Variants in PCDH11Y observed in about 807,000 individuals in gnomAD.
PCDH11Y encodes protocadherin 11 Y-linked.
For missense variants in PCDH11Y, 12 were observed against 224.8 expected (o/e 0.05, Z 6.05); for synonymous variants, 9 against 83.6 (o/e 0.11, Z 4.87).
intron 2 of PCDH11Y, among the ~76,000 whole-genome samples, chrY:5,229,863 G>A: frequency 3.1e-5 from 1 of 32,091 alleles, no homozygotes; most frequent in Non-Finnish European, 7.6e-5. Context: ...CTGGTGATAC[G>A]ATTAAGTTTC....
intron 2 of PCDH11Y, among the ~76,000 whole-genome samples, chrY:5,256,652 A>G: frequency 3.0e-5 from 1 of 33,350 alleles, no homozygotes; most frequent in Non-Finnish European, 7.4e-5. Flanking sequence ...CCATTTTAAC[A>G]ATATTCGTTC....
intron 4 of PCDH11Y, among the ~76,000 whole-genome samples, chrY:5,691,270 C>A: frequency 3.0e-5 from 1 of 33,702 alleles, no homozygotes; most frequent in African/African-American, 1.2e-4. Context: ...CTTAAAATGT[C>A]CTCTTTAACA....
chrY:5,293,408 G>A, intron 2 of PCDH11Y, among the ~76,000 whole-genome samples: 3 of 32,587 alleles, frequency 9.2e-5, no homozygotes, highest in Admixed American at 2.9e-4. Context: ...GTGATTACAG[G>A]TGTGAGCCAC....
intron 2 of PCDH11Y, among the ~76,000 whole-genome samples, chrY:5,495,042 A>T (rs2053343108): frequency 3.5e-5 from 1 of 28,827 alleles, no homozygotes; most frequent in East Asian, 8.8e-4. Context: ...GCAAGACTCC[A>T]TCTCGAAAAA....
intron 3 of PCDH11Y, among the ~76,000 whole-genome samples, chrY:5,560,787 C>T: frequency 3.0e-5 from 1 of 33,860 alleles, no homozygotes; most frequent in Non-Finnish European, 7.3e-5. Context: ...CATGGAGAAC[C>T]TCTGCTAGGG....
chrY:5,324,409 C>T (rs2759987), intron 2 of PCDH11Y, among the ~76,000 whole-genome samples: 2 of 32,626 alleles, frequency 6.1e-5, no homozygotes, highest in Non-Finnish European at 1.5e-4. Flanking sequence ...ATGTGCACTA[C>T]GGTATAATGT....
intron 2 of PCDH11Y, among the ~76,000 whole-genome samples, chrY:5,426,467 A>C: frequency 3.0e-5 from 1 of 33,101 alleles, no homozygotes; most frequent in African/African-American, 1.2e-4. Context: ...TTTAAAAATG[A>C]TACAGTGGAA....
chrY:5,539,205 T>C (rs2053403555), intron 3 of PCDH11Y, among the ~76,000 whole-genome samples: 1 of 32,298 alleles, frequency 3.1e-5, no homozygotes, highest in African/African-American at 1.2e-4. Flanking sequence ...AGATTTCATT[T>C]GGATTAAAAA....
In PCDH11Y at chrY:5,535,436, GCCTTT is replaced by G. The variant is rs2053399056; in HGVS notation, c.3328+34182_3328+34186del. Reference sequence around the variant, plus strand: ...CCAGGGTCCATTGTATCATTCTTATGCCTTTTCATCCTCATAGCTTAGCTCCCAGT... The same window carrying G: ...CCAGGGTCCATTGTATCATTCTTATGTCATCCTCATAGCTTAGCTCCCAGT... On this transcript the variant is annotated intron_variant, in intron 3 of 4. Transcript: ENST00000400457. Among the ~76,000 whole-genome samples, 4 of 31,629 alleles carry G rather than the reference GCCTTT, an allele frequency of 1.3e-4. No individual in the cohort carries two copies. In the East Asian group the frequency reaches 3.3e-3, roughly 26 times the overall value. 84.9% of individuals were successfully genotyped at this position (31,629 alleles called of 37,273 possible).
downstream of PCDH11Y, chrY:5,104,842 C>A: frequency 9.1e-6 from 2 of 219,098 alleles, no homozygotes; most frequent in Non-Finnish European, 1.1e-5. Context: ...TTTTAAGACC[C>A]CAAACAAACA....
In PCDH11Y at chrY:5,145,737, G is replaced by A. The variant is rs72617649; in HGVS notation, c.3129+45030G>A. 4.0e-3 allele frequency among the ~76,000 whole-genome samples: 134 copies of A among 33,350 alleles called. No individual in the cohort carries two copies. The East Asian group carries it at 0.11, about 26-fold the overall frequency. 89.5% of individuals were successfully genotyped at this position (33,350 alleles called of 37,273 possible). On this transcript the variant is annotated intron_variant, in intron 2 of 4. Coordinates refer to the PCDH11Y transcript ENST00000400457. ...AGACACCATTCTATTGGCATATATC[G>A]TCTCACTTAGTTAATATTTTAAATT...
intron 2 of PCDH11Y, among the ~76,000 whole-genome samples, chrY:5,327,656 G>C: frequency 3.1e-5 from 1 of 32,395 alleles, no homozygotes; most frequent in African/African-American, 1.2e-4. Flanking sequence ...GGATATGAGA[G>C]GAAGACTCGA....
At chrY:5,171,616 T>C (rs2052886680) in intron 2 of PCDH11Y, among the ~76,000 whole-genome samples, 1 of 34,197 alleles carries the variant, frequency 2.9e-5, no homozygotes, top group South Asian at 6.2e-4. Flanking sequence ...TCTTGGATCC[T>C]TAACTTCCAA....
At chrY:5,361,884 C>A (rs2053174679) in intron 2 of PCDH11Y, among the ~76,000 whole-genome samples, 1 of 32,169 alleles carries the variant, frequency 3.1e-5, no homozygotes, top group African/African-American at 1.2e-4. Flanking sequence ...TCTTTTTGTC[C>A]CTTAAAAAAG....
chrY:5,547,240 A>G, intron 3 of PCDH11Y, among the ~76,000 whole-genome samples: 1 of 21,637 alleles, frequency 4.6e-5, no homozygotes, highest in Non-Finnish European at 9.8e-5. Context: ...ATTTTAACCT[A>G]AATTTTATCT....
At chrY:5,420,179 A>C (rs2053256488) in intron 2 of PCDH11Y, among the ~76,000 whole-genome samples, 34 of 27,718 alleles carry the variant, frequency 1.2e-3, no homozygotes, top group African/African-American at 4.8e-3. Flanking sequence ...TGTTGAACCA[A>C]ATGTACAATG....
intron 2 of PCDH11Y, among the ~76,000 whole-genome samples, chrY:5,389,434 T>C (rs2124675763): frequency 3.1e-5 from 1 of 32,597 alleles, no homozygotes; most frequent in East Asian, 8.0e-4. Context: ...TTAAAATAAA[T>C]ACTAACACAT....
chrY:5,654,170 A>G, intron 4 of PCDH11Y, among the ~76,000 whole-genome samples: 1 of 32,931 alleles, frequency 3.0e-5, no homozygotes, highest in Admixed American at 2.8e-4. Context: ...CCAAATCAAA[A>G]CCACAGTGAG....
intron 3 of PCDH11Y, among the ~76,000 whole-genome samples, chrY:5,519,389 CA>C (rs780335976): frequency 2.7e-3 from 15 of 5,655 alleles, no homozygotes; most frequent in African/African-American, 7.6e-3. Flanking sequence ...GACTCTGTCT[CA>C]AAAAAAAAAA....
Sources: allele counts gnomAD v4.1 joint callset (sites outside exome capture counted in the v4.1 genomes callset), GRCh38; gene constraint gnomAD v4.1.1; transcripts MANE v1.5; gene names NCBI Gene and HGNC (gene_info 2026-07-23, HGNC 2026-07-21).